The following KRT77 variants were observed in gnomAD, a reference collection of about 807,000 sequenced individuals.
KRT77 encodes the protein keratin 77, also known as keratin, type II cytoskeletal 1b.
Under a neutral mutation model 51.5 loss-of-function variants are expected in KRT77, and 44 were observed. The ratio of observed to expected loss-of-function variants is 0.85; its 90% CI spans 0.67 to 1.10. The LOEUF (loss-of-function observed/expected upper bound fraction) is 1.10. Ranked by LOEUF, KRT77 falls within the 50% of genes least tolerant of loss-of-function variation. The probability of loss-of-function intolerance (pLI) is 0.00; values close to 1 mark genes in which losing one functional copy is unlikely to be tolerated. For synonymous variants in KRT77, 293 were observed against 302.0 expected, an observed-to-expected ratio of 0.97 and a Z score of 0.31; for missense variants, 763 against 743.9, an observed-to-expected ratio of 1.03 and a Z score of -0.30.
At position 52,692,765 on chromosome 12, in the gene KRT77, A is replaced by T; in HGVS notation, c.1196T>A (p.Val399Glu). 2 of 1,604,164 alleles carry T rather than the reference A, an allele frequency of 1.2e-6. No individual in the cohort carries two copies. Among genetic ancestry groups the T allele is most frequent in the Non-Finnish European group, 1.7e-6 (2 of 1,171,638 alleles). ...AAGCACCCGTCCCACCTGCTTCTTC[A>T]CGTTGCTGATCTCTGCCTGCAGCCT... ...VQRLQAEISNVKKQIEQMQSL... is the reference protein window; with the variant it reads ...VQRLQAEISNEKKQIEQMQSL... Residue 399 changes from valine to glutamate, a missense_variant, in exon 6 of 9, where the codon GTG becomes GAG. Val to Glu is a moderately radical substitution (Grantham distance 121). Transcript: ENST00000341809.
intron 2 of KRT77, chr12:52,696,879 T>TCA: frequency 5.7e-6 from 1 of 173,960 alleles, no homozygotes; most frequent in East Asian, 1.5e-4. Flanking sequence ...CCTCGTTGAT[T>TCA]CACACACACT....
At position 52,697,779 on chromosome 12, in the gene KRT77, C is replaced by A; in HGVS notation, c.661G>T (p.Asp221Tyr). The change falls in exon 2 of 9, where the codon GAC (aspartate) becomes TAC (tyrosine). Residue 221 changes from aspartate (D) to tyrosine (Y), a missense_variant. Transcript: ENST00000341809. ...AGCAAATCCACCTGCCTCCGCAGGT[C>A]ACCGATGTAGTTCTCCAAGAGGGGC... ...LEPLLENYIG[D>Y]LRRQVDLLSA... 6.2e-7 allele frequency: 1 copy of A among 1,614,122 alleles called. No homozygotes were observed. Among genetic ancestry groups the A allele is most frequent in the Non-Finnish European group, 8.5e-7 (1 of 1,179,970 alleles).
Position 52,689,939 on chromosome 12 carries a change from G to T in KRT77, c.*1226C>A, listed in dbSNP as rs1045233487. 6.6e-6 allele frequency: 1 copy of T among 152,176 alleles called. No individual in the cohort carries two copies. The highest frequency in any genetic ancestry group is 2.4e-5 in the African/African-American group (1 of 41,426). The allele number at this position is 152,176 out of a possible 1,614,324, so 9.4% of individuals were successfully genotyped here. A position where few individuals can be genotyped will look rare whatever the true frequency, so the allele number is the denominator to read the frequency against. On this transcript the variant is annotated 3_prime_UTR_variant, in exon 9 of 9. Transcript: ENST00000341809. ...AATTAAGAGTCATATTCTCACAAAGGGCTCACAGCTACAGAGAACAGAAGG... is the reference window on the plus strand; with the variant it reads ...AATTAAGAGTCATATTCTCACAAAGTGCTCACAGCTACAGAGAACAGAAGG...
At chr12:52,700,625 C>A (rs1195945916) in intron 1 of KRT77, among the ~76,000 whole-genome samples, 2 of 152,098 alleles carry the variant, frequency 1.3e-5, no homozygotes, top group African/African-American at 4.8e-5. Flanking sequence ...AGCCTGGGGG[C>A]TGTTTTCCAG....
In KRT77 at chr12:52,691,985, A is replaced by G; in HGVS notation, c.1428-13T>C. ...CTCTCCTGACATCCTGTAAAACCAAAGCACACGGTCAGCCAGACCCACAGG... is the reference window on the plus strand; with the variant it reads ...CTCTCCTGACATCCTGTAAAACCAAGGCACACGGTCAGCCAGACCCACAGG... On this transcript the variant is annotated splice_polypyrimidine_tract_variant and intron_variant, in intron 7 of 8. Coordinates refer to ENST00000341809, the MANE Select transcript of KRT77 (RefSeq NM_175078.3). 1 of 1,613,930 alleles carries G rather than the reference A, an allele frequency of 6.2e-7. No individual in the cohort carries two copies. The highest frequency in any genetic ancestry group is 8.5e-7 in the Non-Finnish European group (1 of 1,180,028).
chr12:52,700,644 C>T (rs916192933), intron 1 of KRT77, among the ~76,000 whole-genome samples: 3 of 152,218 alleles, frequency 2.0e-5, no homozygotes, highest in African/African-American at 7.2e-5. Context: ...AGGCCTCACT[C>T]TGCTTACTAG....
At position 52,703,096 on chromosome 12, in the gene KRT77, C is replaced by G. The variant is rs1240779639; in HGVS notation, c.339G>C (p.Gly113=). The G allele has an allele frequency of 6.2e-7, 1 of 1,613,202 alleles. No individual in the cohort carries two copies. Among genetic ancestry groups the G allele is most frequent in the Non-Finnish European group, 8.5e-7 (1 of 1,179,476 alleles). The change falls in exon 1 of 9, where the codon GGG becomes GGC. Residue 113 remains glycine (G), a synonymous_variant. Coordinates refer to ENST00000341809, the MANE Select transcript of KRT77 (RefSeq NM_175078.3). ...GAGGFGGGGF[G]GAGFGTSNFG... is the part of the protein sequence containing the mutation. ...AATTGCTAGTCCCAAATCCAGCACC[C>G]CCAAAACCACCTCCTCCAAAGCCAC...
intron 1 of KRT77, among the ~76,000 whole-genome samples, chr12:52,699,271 C>A (rs1411568023): frequency 1.3e-5 from 2 of 152,190 alleles, no homozygotes; most frequent in Admixed American, 6.5e-5. Context: ...AAGAAAGAAT[C>A]CTGTGGTCCC....
chr12:52,697,655 CCT>C (rs965882956), intron 2 of KRT77, 25 bp downstream of exon 2: 10 of 1,588,484 alleles, frequency 6.3e-6, no homozygotes, highest in East Asian at 2.3e-5. Context: ...ATGCTTCTCC[CCT>C]GTTTTGCCCT....
At position 52,691,970 on chromosome 12, in the gene KRT77, A is replaced by G. The variant is rs1238524513; in HGVS notation, c.1430T>C (p.Met477Thr). 1 of 1,614,012 alleles carries G rather than the reference A, an allele frequency of 6.2e-7. No individual in the cohort carries two copies. Among genetic ancestry groups the G allele is most frequent in the South Asian group, 1.1e-5 (1 of 91,088 alleles). The change falls in exon 8 of 9, where the codon ATG becomes ACG. Residue 477 changes from methionine (M) to threonine (T), a missense_variant and splice_region_variant. Transcript: ENST00000341809. ...CACATGGCTCTGCAGCTCTCCTGAC[A>G]TCCTGTAAAACCAAAGCACACGGTC... ...RQLLEGEESR[M>T]SGELQSHVSI...
Position 52,703,256 on chromosome 12 carries a change from C to T in KRT77, c.179G>A (p.Ser60Asn), listed in dbSNP as rs1338213138. ...TCTACTGCCACCCAGATTGTAGAGGCTCCTAGAGCCAAACCCCCTTCCATG... is the reference window on the plus strand; with the variant it reads ...TCTACTGCCACCCAGATTGTAGAGGTTCCTAGAGCCAAACCCCCTTCCATG... ...GIHGRGFGSR[S>N]LYNLGGSRSI... is the part of the protein sequence containing the mutation. Residue 60 changes from serine to asparagine, a missense_variant, in exon 1 of 9, where the codon AGC becomes AAC. Transcript: ENST00000341809. 3 of 1,613,726 alleles carry T rather than the reference C, an allele frequency of 1.9e-6. No individual in the cohort carries two copies. Among genetic ancestry groups the T allele is most frequent in the Non-Finnish European group, 2.5e-6 (3 of 1,180,002 alleles).
chr12:52,692,010 G>A (rs774268620), intron 7 of KRT77, 38 bp from the exon 8 acceptor site: 1 of 1,610,644 alleles, frequency 6.2e-7, no homozygotes, highest in Non-Finnish European at 8.5e-7. Context: ...AGACCCACAG[G>A]GCCTGAGGAG....
At chr12:52,700,327 A>G (rs1941868523) in intron 1 of KRT77, among the ~76,000 whole-genome samples, 1 of 152,244 alleles carries the variant, frequency 6.6e-6, no homozygotes, top group Admixed American at 6.5e-5. Context: ...TGTAAAAAAT[A>G]CAGTGCCTCA....
In KRT77 at chr12:52,692,532, T is replaced by A. The variant is rs1362060465; in HGVS notation, c.1316A>T (p.Lys439Met). 6.2e-7 allele frequency: 1 copy of A among 1,614,030 alleles called. No individual in the cohort carries two copies. Among genetic ancestry groups the A allele is most frequent in the Admixed American group, 1.7e-5 (1 of 60,020 alleles). ...ACGCAGCAGCCGGGCCAGCTCCTCC[T>A]TGGACTGCTGCAGGGCCTCCTCCAG... Reference protein sequence around the residue: ...QDLEEALQQSKEELARLLRDY... With the variant: ...QDLEEALQQSMEELARLLRDY... Residue 439 changes from lysine to methionine, a missense_variant, in exon 7 of 9, where the codon AAG becomes ATG. Lys to Met is a moderately conservative substitution (Grantham distance 95, BLOSUM62 -1). Transcript: ENST00000341809.
Position 52,694,619 on chromosome 12 carries a change from C to T in KRT77, c.1080+7G>A, listed in dbSNP as rs777506504. ...TTCTGGGCACCAGATCTGGGGGCCA[C>T]GCCCACCTTGGTCTGGTACAGGGCT... On this transcript the variant is annotated splice_region_variant and intron_variant, in intron 5 of 8. Coordinates refer to ENST00000341809, the MANE Select transcript of KRT77 (RefSeq NM_175078.3). 63 of 1,587,028 alleles carry T rather than the reference C, an allele frequency of 4.0e-5. No individual in the cohort carries two copies. Among genetic ancestry groups the T allele is most frequent in the East Asian group, 3.4e-4 (15 of 43,944 alleles).
Position 52,691,016 on chromosome 12 carries a change from G to C in KRT77, c.*149C>G. 9.2e-7 allele frequency: 1 copy of C among 1,087,000 alleles called. No homozygotes were observed. Among genetic ancestry groups the C allele is most frequent in the Non-Finnish European group, 1.3e-6 (1 of 741,106 alleles). The allele number at this position is 1,087,000 out of a possible 1,614,324, so 67.3% of individuals were successfully genotyped here. A position where few individuals can be genotyped will look rare whatever the true frequency, so the allele number is the denominator to read the frequency against. On this transcript the variant is annotated 3_prime_UTR_variant, in exon 9 of 9. Transcript: ENST00000341809. The stretch of plus-strand genomic sequence containing the variant: ...TCTGCTGTTTGGACTTATCCACCCT[G>C]CTTCCCCCATTAGAGTCGAATTTAT...
At position 52,691,319 on chromosome 12, in the gene KRT77, C is replaced by A. The variant is rs1180631904; in HGVS notation, c.1583G>T (p.Gly528Val). Residue 528 changes from glycine to valine, a missense_variant, in exon 9 of 9, where the codon GGC (glycine) becomes GTC (valine). Coordinates refer to ENST00000341809, the MANE Select transcript of KRT77 (RefSeq NM_175078.3). ...GYGGGRSYRGGGARGRSGGGY... is the reference protein window; with the variant it reads ...GYGGGRSYRGVGARGRSGGGY... ...GCCTCCACTCCTGCCTCGTGCCCCGCCTCCGCGGTAGCTTCTTCCGCCGCC... is the reference window on the plus strand; with the variant it reads ...GCCTCCACTCCTGCCTCGTGCCCCGACTCCGCGGTAGCTTCTTCCGCCGCC... 3 of 1,600,670 alleles carry A rather than the reference C, an allele frequency of 1.9e-6. No individual in the cohort carries two copies. The South Asian group carries it at 3.3e-5, about 18-fold the overall frequency.
intron 1 of KRT77, chr12:52,698,393 A>T: frequency 2.6e-6 from 1 of 380,930 alleles, no homozygotes; most frequent in East Asian, 7.4e-5. Flanking sequence ...AGCCACCACC[A>T]CCTCTGCTGT....
At chr12:52,702,520 G>T (rs1172686762) in intron 1 of KRT77, among the ~76,000 whole-genome samples, 1 of 123,330 alleles carries the variant, frequency 8.1e-6, no homozygotes, top group Non-Finnish European at 1.7e-5. Flanking sequence ...ATAAGTGAAT[G>T]GATGGATGTG....
Sources: allele counts gnomAD v4.1 joint callset (sites outside exome capture counted in the v4.1 genomes callset), GRCh38; gene constraint gnomAD v4.1.1; transcripts MANE v1.5; gene names NCBI Gene and HGNC (gene_info 2026-07-23, HGNC 2026-07-21).